Variants in ANKIB1 observed in about 807,000 individuals in gnomAD.
ANKIB1 encodes ankyrin repeat and IBR domain-containing protein 1.
Under a neutral mutation model 122.1 loss-of-function variants are expected in ANKIB1, and 43 were observed. That is an observed-to-expected ratio of 0.35 (90% CI 0.28 to 0.45). The LOEUF is 0.45. Ranked by LOEUF, ANKIB1 falls within the 20% of genes least tolerant of loss-of-function variation. The probability of loss-of-function intolerance (pLI) is 1.00; values close to 1 mark genes in which losing one functional copy is unlikely to be tolerated. For missense variants in ANKIB1, 992 were observed against 1,329.5 expected (o/e 0.75, Z 3.95); for synonymous variants, 390 against 442.0 (o/e 0.88, Z 1.48).
chr7:92,359,759 T>G (rs569277000), intron 9 of ANKIB1, among the ~76,000 whole-genome samples: 1 of 152,264 alleles, frequency 6.6e-6, no homozygotes, highest in African/African-American at 2.4e-5. Flanking sequence ...ATATCCACTT[T>G]TTTAAAGAGA....
intron 1 of ANKIB1, among the ~76,000 whole-genome samples, chr7:92,287,022 C>G (rs577876364): frequency 8.5e-5 from 13 of 152,318 alleles, no homozygotes; most frequent in African/African-American, 2.9e-4. Context: ...CCTACAGTCT[C>G]TTCCCAAACA....
chr7:92,328,533 C>G (rs1562783400), intron 5 of ANKIB1, among the ~76,000 whole-genome samples: 1 of 152,066 alleles, frequency 6.6e-6, no homozygotes, highest in Non-Finnish European at 1.5e-5. Flanking sequence ...TCTGGGAGCT[C>G]TCACATGCTG....
intron 5 of ANKIB1, among the ~76,000 whole-genome samples, chr7:92,338,437 A>G (rs556862216): frequency 1.3e-5 from 2 of 151,874 alleles, no homozygotes; most frequent in Admixed American, 1.3e-4. Flanking sequence ...ATAAAAATTA[A>G]AAAAAGATTA....
chr7:92,383,363 A>G (rs1426904875), intron 11 of ANKIB1, among the ~76,000 whole-genome samples: 3 of 152,216 alleles, frequency 2.0e-5, no homozygotes, highest in Non-Finnish European at 4.4e-5. Flanking sequence ...TCAATAGAAA[A>G]AGAGGGAATC....
chr7:92,304,842 C>G (rs1303655161), intron 2 of ANKIB1, among the ~76,000 whole-genome samples: 1 of 151,858 alleles, frequency 6.6e-6, no homozygotes, highest in African/African-American at 2.4e-5. Flanking sequence ...AACTATTAAG[C>G]AACATTATGG....
At chr7:92,272,557 GA>G (rs1801819700) in intron 1 of ANKIB1, among the ~76,000 whole-genome samples, 2 of 152,158 alleles carry the variant, frequency 1.3e-5, no homozygotes, top group African/African-American at 4.8e-5. Context: ...GATCCAGAAT[GA>G]AAAGCCCTAG....
At chr7:92,286,390 G>A (rs191721837) in intron 1 of ANKIB1, among the ~76,000 whole-genome samples, 200 of 152,152 alleles carry the variant, frequency 1.3e-3, no homozygotes, top group African/African-American at 4.6e-3. Flanking sequence ...ATAGTAAATA[G>A]CATTGATTTT....
intron 1 of ANKIB1, among the ~76,000 whole-genome samples, chr7:92,269,435 C>A (rs1801738058): frequency 6.6e-6 from 1 of 152,232 alleles, no homozygotes; most frequent in Non-Finnish European, 1.5e-5. Context: ...AGTAGACCCA[C>A]TAGGAAAGTG....
intron 2 of ANKIB1, among the ~76,000 whole-genome samples, chr7:92,299,855 G>A (rs888635067): frequency 1.8e-4 from 28 of 151,836 alleles, no homozygotes; most frequent in African/African-American, 6.1e-4. Flanking sequence ...TTCCCAGGCC[G>A]GAGTGCAGTG....
chr7:92,383,460 AT>A (rs1353349790), intron 11 of ANKIB1, among the ~76,000 whole-genome samples: 4 of 152,208 alleles, frequency 2.6e-5, no homozygotes, highest in Non-Finnish European at 5.9e-5. Context: ...TTAGACTGAT[AT>A]CCCTGATGAA....
intron 1 of ANKIB1, among the ~76,000 whole-genome samples, chr7:92,263,733 AATACATAC>A (rs1023312534): frequency 1.3e-5 from 2 of 152,180 alleles, no homozygotes; most frequent in African/African-American, 4.8e-5. Context: ...TAGTCATCAA[AATACATAC>A]ATACATACAT....
intron 4 of ANKIB1, among the ~76,000 whole-genome samples, chr7:92,325,756 A>G (rs180775478): frequency 6.6e-6 from 1 of 152,296 alleles, no homozygotes; most frequent in East Asian, 1.9e-4. Context: ...TTCTGAAATA[A>G]TTTTTGAAGA....
intron 1 of ANKIB1, among the ~76,000 whole-genome samples, chr7:92,276,799 G>A (rs1801914212): frequency 6.6e-6 from 1 of 152,112 alleles, no homozygotes; most frequent in Admixed American, 6.5e-5. Context: ...TGATAATCAG[G>A]GTACACATGA....
chr7:92,321,715 T>G (rs1024595055), intron 4 of ANKIB1, among the ~76,000 whole-genome samples: 1 of 152,232 alleles, frequency 6.6e-6, no homozygotes, highest in Admixed American at 6.5e-5. Context: ...GTGTTGTTTA[T>G]TTTCCCCATG....
At chr7:92,318,519 A>G (rs1802838938) in intron 3 of ANKIB1, among the ~76,000 whole-genome samples, 1 of 152,150 alleles carries the variant, frequency 6.6e-6, no homozygotes. Context: ...AAACAAAAAC[A>G]AAAATAATCC....
intron 7 of ANKIB1, among the ~76,000 whole-genome samples, chr7:92,347,276 T>G (rs928925624): frequency 1.1e-4 from 12 of 112,386 alleles, no homozygotes; most frequent in African/African-American, 2.4e-4. Flanking sequence ...ACATTATGAG[T>G]TTTTTTTTGT....
chr7:92,252,150 T>C (rs1156278661), intron 1 of ANKIB1, among the ~76,000 whole-genome samples: 1 of 152,174 alleles, frequency 6.6e-6, no homozygotes, highest in East Asian at 1.9e-4. Flanking sequence ...ACCATGCCAC[T>C]AATAGTGATA....
chr7:92,345,476 T>C (rs1803518975), intron 7 of ANKIB1, among the ~76,000 whole-genome samples: 1 of 152,272 alleles, frequency 6.6e-6, no homozygotes, highest in African/African-American at 2.4e-5. Flanking sequence ...TATAGATGTT[T>C]AAAATTTCTT....
rs371165591 is a variant in ANKIB1, at chr7:92,322,276, T to C, written c.669+2764T>C. 3.2e-4 allele frequency among the ~76,000 whole-genome samples: 48 copies of C among 152,268 alleles called. 1 individual carries two copies. The highest frequency in any genetic ancestry group is 9.9e-4 in the African/African-American group (41 of 41,576). On this transcript the variant is annotated intron_variant, in intron 4 of 19. Transcript: ENST00000265742. ...AATTTATAATTGAATCAGGTAATAA[T>C]AGTAGGCATTATCAGTAGATTTAAT...
Sources: allele counts gnomAD v4.1 joint callset (sites outside exome capture counted in the v4.1 genomes callset), GRCh38; gene constraint gnomAD v4.1.1; transcripts MANE v1.5; gene names NCBI Gene and HGNC (gene_info 2026-07-23, HGNC 2026-07-21).